The following OARD1 variants were observed in gnomAD, a reference collection of about 807,000 sequenced individuals.
OARD1 encodes the protein ADP-ribose glycohydrolase OARD1.
In OARD1, 19 loss-of-function variants were observed where a neutral mutation model predicts 19.7. The observed-to-expected ratio is 0.96, with a 90% CI of 0.67 to 1.41. OARD1 has a LOEUF of 1.41. Among genes scored for constraint, OARD1 ranks in the 40% most tolerant of loss-of-function variants. OARD1 has a pLI of 0.00. For missense variants in OARD1, 190 were observed against 183.8 expected (o/e 1.03, Z -0.20); for synonymous variants, 70 against 61.8 (o/e 1.13, Z -0.62).
intron 1 of OARD1, chr6:41,097,403 T>G: frequency 6.2e-7 from 1 of 1,613,966 alleles, no homozygotes; most frequent in Non-Finnish European, 8.5e-7. Context: ...ATCATCCGAG[T>G]GTCCTAACCC....
Position 41,071,171 on chromosome 6 carries a change from T to G in OARD1, c.145A>C (p.Lys49Gln). The change falls in exon 3 of 6, where the codon AAG becomes CAG. Residue 49 changes from lysine (K) to glutamine (Q), a missense_variant. Transcript: ENST00000424266. The part of the protein sequence containing the change: ...RMGAGIAVLF[K>Q]KKFGGVQELL... The stretch of plus-strand genomic sequence containing the variant: ...TCTTGCACCCCTCCAAATTTCTTCT[T>G]AAAGAGGACAGCTATCCCAGCGCCC... 6.2e-7 allele frequency: 1 copy of G among 1,614,218 alleles called. No individual in the cohort carries two copies. Among genetic ancestry groups the G allele is most frequent in the Non-Finnish European group, 8.5e-7 (1 of 1,180,038 alleles).
chr6:41,093,272 A>C (rs145933776), intron 1 of OARD1, among the ~76,000 whole-genome samples: 319 of 152,348 alleles, frequency 2.1e-3, no homozygotes, highest in Middle Eastern at 6.8e-3. Flanking sequence ...TAACGAAAAC[A>C]AACAGTGGCT....
chr6:41,082,892 A>G lies in OARD1; in HGVS notation c.-41-11217T>C, dbSNP rs181434629. ...CAGTTTAACAAAACTTAGGATTTCAATGTTCCTGGTGATTCTAATACATTA... is the reference window on the plus strand; with the variant it reads ...CAGTTTAACAAAACTTAGGATTTCAGTGTTCCTGGTGATTCTAATACATTA... On this transcript the variant is annotated intron_variant, in intron 1 of 4. Coordinates refer to the OARD1 transcript ENST00000480585. Among the ~76,000 whole-genome samples, 68 of 152,296 alleles carry G rather than the reference A, an allele frequency of 4.5e-4. No homozygotes were observed. The East Asian group carries it at 5.0e-3, about 11-fold the overall frequency.
At chr6:41,092,168 G>A (rs1430936511) in intron 1 of OARD1, among the ~76,000 whole-genome samples, 1 of 152,212 alleles carries the variant, frequency 6.6e-6, no homozygotes, top group Non-Finnish European at 1.5e-5. Context: ...AAAATAGGAT[G>A]TTAAAATGCA....
At chr6:41,097,412 C>CGATG in intron 1 of OARD1, 1 of 1,613,900 alleles carries the variant, frequency 6.2e-7, no homozygotes, top group East Asian at 2.2e-5. Flanking sequence ...GTGTCCTAAC[C>CGATG]CCACGCCATG....
intron 4 of OARD1, chr6:41,069,841 C>G: frequency 1.7e-6 from 1 of 576,956 alleles, no homozygotes. Flanking sequence ...GTACATGATA[C>G]ACGACTTTCC....
chr6:41,082,134 TC>T (rs775937021), intron 1 of OARD1, among the ~76,000 whole-genome samples: 10 of 152,364 alleles, frequency 6.6e-5, no homozygotes, highest in Non-Finnish European at 1.5e-4. Flanking sequence ...CTGCTAAGCA[TC>T]CAGCAGATAA....
At chr6:41,076,248 G>GA (rs924788177), upstream of OARD1, among the ~76,000 whole-genome samples, 260 of 151,788 alleles carry the variant, frequency 1.7e-3, no homozygotes, top group South Asian at 6.0e-3. Flanking sequence ...TCTCTTAAAA[G>GA]AAAAAAAAGA....
At position 41,067,230 on chromosome 6, in the gene OARD1, T is replaced by C; in HGVS notation, c.*105A>G. ...AGTCTGTCTTGTTAAACACACTACT[T>C]CTCATGAAACTTTCCTCTGCCTATT... On this transcript the variant is annotated 3_prime_UTR_variant, in exon 6 of 6. Coordinates refer to ENST00000424266, the MANE Select transcript of OARD1 (RefSeq NM_001329686.2). The C allele has an allele frequency of 1.6e-6, 1 of 626,532 alleles. No individual in the cohort carries two copies. The allele number at this position is 626,532 out of a possible 1,614,324, so 38.8% of individuals were successfully genotyped here.
At chr6:41,090,599 G>T (rs1326206857) in intron 1 of OARD1, among the ~76,000 whole-genome samples, 1 of 152,150 alleles carries the variant, frequency 6.6e-6, no homozygotes, top group Non-Finnish European at 1.5e-5. Context: ...GAGTTCATTG[G>T]TAAAGAGAGA....
intron 1 of OARD1, chr6:41,079,267 G>A (rs1254960755): frequency 9.4e-7 from 1 of 1,064,368 alleles, no homozygotes; most frequent in African/African-American, 1.5e-5. Context: ...AAAGATACCA[G>A]ATCTTGTGAG....
intron 1 of OARD1, among the ~76,000 whole-genome samples, chr6:41,087,681 T>A (rs1434159764): frequency 6.6e-6 from 1 of 152,190 alleles, no homozygotes. Context: ...CATTTTGAGC[T>A]ATGGGGCTCT....
At chr6:41,079,067 C>G (rs1431685836) in intron 1 of OARD1, 3 of 1,610,316 alleles carry the variant, frequency 1.9e-6, no homozygotes, top group Non-Finnish European at 2.5e-6. Context: ...CCAGAGTGGA[C>G]AGGAATCTCA....
intron 1 of OARD1, among the ~76,000 whole-genome samples, chr6:41,093,309 C>T (rs1764244428): frequency 6.6e-6 from 1 of 152,128 alleles, no homozygotes; most frequent in Non-Finnish European, 1.5e-5. Flanking sequence ...CCTTTTCATA[C>T]ATAAAAGTAG....
intron 1 of OARD1, among the ~76,000 whole-genome samples, chr6:41,087,495 C>CT (rs1764079871): frequency 6.6e-6 from 1 of 152,176 alleles, no homozygotes; most frequent in Admixed American, 6.5e-5. Context: ...CTATAAAAAT[C>CT]TATCTTTCTG....
At chr6:41,080,144 G>T (rs1763866516) in intron 1 of OARD1, among the ~76,000 whole-genome samples, 1 of 152,098 alleles carries the variant, frequency 6.6e-6, no homozygotes, top group South Asian at 2.1e-4. Flanking sequence ...AGTCCAGTTG[G>T]GTAGAAATAA....
rs1226724860 is a variant in OARD1, at chr6:41,066,871, A to G, written c.*464T>C. ...AATGTAGAATTTAATTTTGTAATTAAAACAAAAACTCTCCCCTAGGAGGAA... is the reference window on the plus strand; with the variant it reads ...AATGTAGAATTTAATTTTGTAATTAGAACAAAAACTCTCCCCTAGGAGGAA... On this transcript the variant is annotated 3_prime_UTR_variant, in exon 6 of 6. Transcript: ENST00000424266. 1.3e-5 allele frequency: 2 copies of G among 152,260 alleles called. No individual in the cohort carries two copies. Among genetic ancestry groups the G allele is most frequent in the Non-Finnish European group, 2.9e-5 (2 of 68,076 alleles). The allele number at this position is 152,260 out of a possible 1,614,324, so 9.4% of individuals were successfully genotyped here.
intron 1 of OARD1, 125 bp from the exon 2 acceptor site, chr6:41,071,800 G>A (rs561812016): frequency 3.2e-6 from 2 of 619,978 alleles, no homozygotes; most frequent in Admixed American, 2.7e-5. Context: ...GAGTTTGTTC[G>A]GCCCCTGGGA....
At chr6:41,070,782 A>G (rs1186913785) in intron 3 of OARD1, 2 of 492,134 alleles carry the variant, frequency 4.1e-6, no homozygotes, top group Non-Finnish European at 7.2e-6. Flanking sequence ...GTCTGTAAGG[A>G]AGAAGAGGTT....
Sources: allele counts gnomAD v4.1 joint callset (sites outside exome capture counted in the v4.1 genomes callset), GRCh38; gene constraint gnomAD v4.1.1; transcripts MANE v1.5; gene names NCBI Gene and HGNC (gene_info 2026-07-23, HGNC 2026-07-21).